Variants in TENM3 observed in about 807,000 individuals in gnomAD.
TENM3 encodes the protein teneurin-3.
A neutral mutation model predicts 255.1 loss-of-function variants in TENM3; 63 were observed. The observed-to-expected ratio is 0.25, with a 90% CI of 0.20 to 0.30. The LOEUF (loss-of-function observed/expected upper bound fraction) is 0.30, where lower values mean the gene tolerates loss of function less well. Ranked by LOEUF, TENM3 falls within the 10% of genes least tolerant of loss-of-function variation. The pLI, the probability that TENM3 is intolerant of heterozygous loss-of-function variation, is 1.00. For synonymous variants in TENM3, 1,306 were observed against 1,322.3 expected, an observed-to-expected ratio of 0.99 and a Z score of 0.27; for missense variants, 2,929 against 3,461.1, an observed-to-expected ratio of 0.85 and a Z score of 3.86.
the TENM3 span, among the ~76,000 whole-genome samples, chr4:181,708,022 C>T: frequency 6.6e-6 from 1 of 151,794 alleles, no homozygotes; most frequent in Admixed American, 6.6e-5. Context: ...TTGATGCCTT[C>T]AAAGCTATGA....
the TENM3 span, among the ~76,000 whole-genome samples, chr4:181,633,098 C>A: frequency 6.6e-6 from 1 of 152,120 alleles, no homozygotes; most frequent in African/African-American, 2.4e-5. Flanking sequence ...TCAGAAGGAG[C>A]CCAATCCACT....
At chr4:182,724,166 G>A (rs1579243486) in intron 13 of TENM3, among the ~76,000 whole-genome samples, 1 of 152,110 alleles carries the variant, frequency 6.6e-6, no homozygotes, top group Admixed American at 6.5e-5. Context: ...TCTGATTTAT[G>A]TAGATTTTTA....
the TENM3 span, among the ~76,000 whole-genome samples, chr4:181,647,977 G>T: frequency 6.6e-6 from 1 of 152,036 alleles, no homozygotes; most frequent in Non-Finnish European, 1.5e-5. Flanking sequence ...TTATTGTCAA[G>T]GATAAAATTA....
the TENM3 span, among the ~76,000 whole-genome samples, chr4:181,494,346 G>C: frequency 2.0e-5 from 3 of 152,100 alleles, no homozygotes. Flanking sequence ...GTGCAATGGC[G>C]CAATCTTAGC....
At chr4:181,796,931 G>A in the TENM3 span, among the ~76,000 whole-genome samples, 1 of 152,190 alleles carries the variant, frequency 6.6e-6, no homozygotes, top group South Asian at 2.1e-4. Flanking sequence ...ACTGCCTTTT[G>A]TATTCTCGGG....
intron 3 of TENM3, among the ~76,000 whole-genome samples, chr4:182,433,970 G>A (rs779999480): frequency 6.6e-6 from 1 of 152,094 alleles, no homozygotes; most frequent in African/African-American, 2.4e-5. Context: ...TTAAAAATTA[G>A]GCTAGCATGG....
At chr4:181,589,723 C>G in the TENM3 span, among the ~76,000 whole-genome samples, 1 of 152,168 alleles carries the variant, frequency 6.6e-6, no homozygotes, top group Non-Finnish European at 1.5e-5. Context: ...TAGAGCTGAT[C>G]ACTTATGTAC....
the TENM3 span, among the ~76,000 whole-genome samples, chr4:182,075,400 A>G: frequency 3.3e-5 from 5 of 151,900 alleles, no homozygotes; most frequent in African/African-American, 4.8e-5. Flanking sequence ...GGGTTTCACC[A>G]TGTTGGCCAG....
chr4:182,671,826 A>G (rs1287616013), intron 6 of TENM3, among the ~76,000 whole-genome samples: 2 of 152,172 alleles, frequency 1.3e-5, no homozygotes, highest in African/African-American at 4.8e-5. Context: ...TGCGTTTTGA[A>G]TTAACAGTTT....
chr4:181,483,043 G>A, the TENM3 span, among the ~76,000 whole-genome samples: 4 of 152,196 alleles, frequency 2.6e-5, no homozygotes, highest in South Asian at 2.1e-4. Context: ...GCAGAAAAAC[G>A]TTATTAAAAT....
At chr4:181,572,135 T>C in the TENM3 span, among the ~76,000 whole-genome samples, 4 of 152,202 alleles carry the variant, frequency 2.6e-5, no homozygotes, top group Non-Finnish European at 5.9e-5. Flanking sequence ...ATTTTTCTAC[T>C]TAGAAACTTC....
chr4:181,516,904 A>T, the TENM3 span, among the ~76,000 whole-genome samples: 2 of 152,158 alleles, frequency 1.3e-5, no homozygotes, highest in Non-Finnish European at 2.9e-5. Flanking sequence ...CCTTTTACAG[A>T]TAAAAGAACT....
chr4:182,317,623 T>C (rs987709802), intron 1 of TENM3, among the ~76,000 whole-genome samples: 1 of 152,110 alleles, frequency 6.6e-6, no homozygotes, highest in African/African-American at 2.4e-5. Context: ...TTTTAACTTT[T>C]TACCGCTAAC....
rs974850465 is a variant in TENM3, at chr4:182,589,459, T to C, written c.512-11465T>C. On this transcript the variant is annotated intron_variant, in intron 3 of 27. Coordinates refer to ENST00000511685, the MANE Select transcript of TENM3 (RefSeq NM_001080477.4). Reference sequence around the variant, plus strand: ...CTTAGGTTTTTAATTTTTTTTTTTTTTTTTTTGGTCCTTAATCATTCTGAA... The same window carrying C: ...CTTAGGTTTTTAATTTTTTTTTTTTCTTTTTTGGTCCTTAATCATTCTGAA... 3.3e-5 allele frequency among the ~76,000 whole-genome samples: 5 copies of C among 151,182 alleles called. No homozygotes were observed. The East Asian group carries it at 9.7e-4, about 29-fold the overall frequency.
At chr4:181,649,971 C>T in the TENM3 span, among the ~76,000 whole-genome samples, 1 of 152,136 alleles carries the variant, frequency 6.6e-6, no homozygotes, top group Non-Finnish European at 1.5e-5. Context: ...GTGATTATCA[C>T]TGGCTGAGGA....
chr4:181,997,904 A>G, the TENM3 span, among the ~76,000 whole-genome samples: 2 of 152,234 alleles, frequency 1.3e-5, no homozygotes, highest in Non-Finnish European at 1.5e-5. Context: ...TATTCAAACA[A>G]TTAGATTTAT....
the TENM3 span, among the ~76,000 whole-genome samples, chr4:182,080,157 T>G: frequency 6.6e-6 from 1 of 152,230 alleles, no homozygotes; most frequent in Non-Finnish European, 1.5e-5. Context: ...CACCTCTGCC[T>G]AACCCACGTT....
chr4:181,934,525 A>G, the TENM3 span, among the ~76,000 whole-genome samples: 1 of 152,162 alleles, frequency 6.6e-6, no homozygotes, highest in African/African-American at 2.4e-5. Flanking sequence ...AGCTGGTTTT[A>G]AATTATTGTT....
At chr4:181,618,849 T>G in the TENM3 span, among the ~76,000 whole-genome samples, 5 of 152,192 alleles carry the variant, frequency 3.3e-5, no homozygotes, top group Non-Finnish European at 7.3e-5. Context: ...GTACTGGGAT[T>G]GTTTATGAAT....
Sources: gnomAD v4.1 joint callset for allele counts (sites outside exome capture counted in the v4.1 genomes callset) on GRCh38, gnomAD v4.1.1 for gene constraint, MANE v1.5 for transcripts, NCBI Gene and HGNC (gene_info 2026-07-23, HGNC 2026-07-21) for gene names.